VPS13C: variants seen among roughly 807,000 people sequenced by gnomAD.
VPS13C encodes the protein vacuolar protein sorting 13 homolog C.
VPS13C carries 358 observed loss-of-function variants against 456.8 expected under a neutral mutation model. The ratio of observed to expected loss-of-function variants is 0.78; its 90% confidence interval spans 0.72 to 0.86. VPS13C has a LOEUF of 0.86. Ranked by LOEUF, VPS13C falls within the 40% of genes least tolerant of loss-of-function variation. The probability of loss-of-function intolerance (pLI) is 0.00; values close to 1 mark genes in which losing one functional copy is unlikely to be tolerated. For missense variants in VPS13C, 4,818 were observed against 4,385.4 expected, an observed-to-expected ratio of 1.10 and a Z score of -2.79; for synonymous variants, 1,578 against 1,486.7, an observed-to-expected ratio of 1.06 and a Z score of -1.41.
chr15:62,044,407 G>C (rs2048340664), intron 1 of VPS13C, 152 bp from the exon 2 acceptor site: 1 of 488,908 alleles, frequency 2.0e-6, no homozygotes, highest in Non-Finnish European at 3.7e-6. Flanking sequence ...GCACAAAATA[G>C]TTGCTACATA....
In VPS13C at chr15:61,873,265, C is replaced by A; in HGVS notation, c.10559G>T (p.Gly3520Val). 2 of 1,613,604 alleles carry A rather than the reference C, an allele frequency of 1.2e-6. No individual in the cohort carries two copies. Among genetic ancestry groups the A allele is most frequent in the Non-Finnish European group, 1.7e-6 (2 of 1,179,688 alleles). The change falls in exon 78 of 85, where the codon GGA becomes GTA. Residue 3520 changes from glycine (G) to valine (V), a missense_variant. By Grantham distance (109) the Gly-to-Val change is moderately radical. Around this residue, in one of 3 missense-constraint regions of VPS13C, gnomAD observed 4,552 missense variants for 4,130.6 expected, o/e 1.10. Transcript: ENST00000644861. Reference protein sequence around the residue: ...PRDFGDSLARGGKGFLRGVVG... With the variant: ...PRDFGDSLARVGKGFLRGVVG... ...ACTTACTCGCAGAAAGCCCTTTCCT[C>A]CTCTGGCCAGGCTGTCTCCAAAATC...
Position 61,981,466 on chromosome 15 carries a change from A to G in VPS13C, c.2042T>C (p.Ile681Thr). The change falls in exon 22 of 85, where the codon ATT (isoleucine) becomes ACT (threonine). Residue 681 changes from isoleucine to threonine, a missense_variant. Around this residue, in one of 3 missense-constraint regions of VPS13C, gnomAD observed 4,552 missense variants for 4,130.6 expected, o/e 1.10. Coordinates refer to ENST00000644861, the MANE Select transcript of VPS13C (RefSeq NM_020821.3). ...ATCAAGGACTTTTCGAGTTTCAATA[A>G]TATGTGTAAGTCCTAAAGACGTAAG... ...KERTATGLTH[I>T]IETRKVLDLR... is the part of the protein sequence containing the mutation. 6.2e-7 allele frequency: 1 copy of G among 1,608,418 alleles called. No individual in the cohort carries two copies. The highest frequency in any genetic ancestry group is 8.5e-7 in the Non-Finnish European group (1 of 1,178,080).
intron 22 of VPS13C, among the ~76,000 whole-genome samples, chr15:61,980,946 T>C (rs1400726231): frequency 6.6e-6 from 1 of 152,238 alleles, no homozygotes; most frequent in Non-Finnish European, 1.5e-5. Context: ...AATCCAAAAG[T>C]TGTCTTGCTC....
intron 61 of VPS13C, 57 bp downstream of exon 61, chr15:61,915,576 C>G: frequency 6.7e-7 from 1 of 1,492,340 alleles, no homozygotes; most frequent in Non-Finnish European, 8.9e-7. Context: ...AAATGACTCC[C>G]AAGTTTCTAG....
intron 1 of VPS13C, among the ~76,000 whole-genome samples, chr15:62,057,329 T>C (rs1297535461): frequency 6.6e-6 from 1 of 152,212 alleles, no homozygotes; most frequent in African/African-American, 2.4e-5. Flanking sequence ...TATCATAAAA[T>C]GTCACCTATT....
rs748713394 is a variant in VPS13C at position 61,962,465 on chromosome 15, A to T, written c.3509T>A (p.Leu1170Ter). 1.9e-6 allele frequency: 3 copies of T among 1,612,224 alleles called. No homozygotes were observed. Among genetic ancestry groups the T allele is most frequent in the Non-Finnish European group, 1.7e-6 (2 of 1,178,856 alleles). Residue 1170 changes from leucine (L) to a stop codon, truncating the protein, a stop_gained, in exon 34 of 85, where the codon TTG becomes TAG. Coordinates refer to ENST00000644861, the MANE Select transcript of VPS13C (RefSeq NM_020821.3). LOFTEE classifies it high-confidence loss of function. The stretch of plus-strand genomic sequence containing the variant: ...ATCCACTTTGGACATGTCAGTATAC[A>T]AATCCCCCTCAGTAGCATCTGGATA... ...DLYPDATEGDLYTDMSKVDGV... is the reference protein window; with the variant it reads ...DLYPDATEGD
At chr15:61,982,034 T>G (rs1372660669) in intron 21 of VPS13C, among the ~76,000 whole-genome samples, 1 of 152,194 alleles carries the variant, frequency 6.6e-6, no homozygotes, top group African/African-American at 2.4e-5. Context: ...AGCTAGTACT[T>G]TATGTAGGGA....
chr15:62,010,654 A>G lies in VPS13C; in HGVS notation c.884-55T>C. ...GTTCATATGCTTTTACATATAAACA[A>G]GTGTAAATAATTATGAGAACACTGT... On this transcript the variant is annotated intron_variant, in intron 12 of 84. Transcript: ENST00000644861. 3 of 1,463,914 alleles carry G rather than the reference A, an allele frequency of 2.0e-6. No homozygotes were observed. The Admixed American group carries it at 7.0e-5, about 34-fold the overall frequency. 90.7% of individuals were successfully genotyped at this position (1,463,914 alleles called of 1,614,324 possible).
At position 61,869,561 on chromosome 15, in the gene VPS13C, C is replaced by A. The variant is rs1368886259; in HGVS notation, c.10687G>T (p.Val3563Leu). 8.7e-6 allele frequency: 14 copies of A among 1,614,142 alleles called. No individual in the cohort carries two copies. Among genetic ancestry groups the A allele is most frequent in the Non-Finnish European group, 1.2e-5 (14 of 1,180,008 alleles). The change falls in exon 80 of 85, where the codon GTG becomes TTG. Residue 3563 changes from valine (V) to leucine (L), a missense_variant. Transcript: ENST00000644861. ...KGIGKGLVGA[V>L]ARPTGGIVDM... Reference sequence around the variant, plus strand: ...ACGATTCCACCAGTTGGACGGGCCACAGCACCCACAAGCCCTTTTCCAATT... The same window carrying A: ...ACGATTCCACCAGTTGGACGGGCCAAAGCACCCACAAGCCCTTTTCCAATT...
chr15:61,949,960 G>A (rs1439950325), intron 41 of VPS13C, among the ~76,000 whole-genome samples: 3 of 152,142 alleles, frequency 2.0e-5, no homozygotes. Flanking sequence ...ATGCTTGTAT[G>A]TAATGTCTGT....
At chr15:61,986,597 T>C (rs1475515619) in intron 18 of VPS13C, among the ~76,000 whole-genome samples, 1 of 152,168 alleles carries the variant, frequency 6.6e-6, no homozygotes, top group African/African-American at 2.4e-5. Flanking sequence ...TGAGGATTTT[T>C]TTCCCAAATT....
At chr15:61,991,166 C>A in intron 17 of VPS13C, 72 bp from the exon 18 acceptor site, 2 of 1,155,832 alleles carry the variant, frequency 1.7e-6, no homozygotes, top group Non-Finnish European at 2.5e-6. Context: ...ACTAACCAAA[C>A]TAACAAGTAT....
chr15:62,056,867 G>A (rs1207187118), intron 1 of VPS13C, among the ~76,000 whole-genome samples: 3 of 152,200 alleles, frequency 2.0e-5, no homozygotes, highest in African/African-American at 7.2e-5. Flanking sequence ...TCGGCTGCCA[G>A]GCAGGGAAGG....
At position 61,914,548 on chromosome 15, in the gene VPS13C, A is replaced by G. The variant is rs561275383; in HGVS notation, c.8445+1085T>C. 3.3e-3 allele frequency among the ~76,000 whole-genome samples: 493 copies of G among 151,420 alleles called. 6 individuals are homozygous for G. The highest frequency in any genetic ancestry group is 1.7e-3 in the Non-Finnish European group (113 of 67,758). On this transcript the variant is annotated intron_variant, in intron 61 of 84. Transcript: ENST00000644861. ...CACACCACTGCACTCCAGCCTGGGC[A>G]ACAAGAACAAAACTATGTTTCTTTT...
chr15:61,879,127 G>A (rs1293436563), intron 73 of VPS13C, among the ~76,000 whole-genome samples: 1 of 152,024 alleles, frequency 6.6e-6, no homozygotes, highest in Non-Finnish European at 1.5e-5. Flanking sequence ...TGACAATTAA[G>A]GTAAGTTAGC....
chr15:61,996,114 G>C (rs2046377955), intron 16 of VPS13C, among the ~76,000 whole-genome samples: 1 of 152,162 alleles, frequency 6.6e-6, no homozygotes, highest in African/African-American at 2.4e-5. Context: ...TCTTAATTCT[G>C]TATATGAACC....
rs1190213032 is a variant in VPS13C at position 61,946,335 on chromosome 15, T to C, written c.4952A>G (p.Asn1651Ser). ...TTTGTGAATGGACTGCAAATCTACA[T>C]TCATAACTATAATATCTTTAAGTCT... ...FARLKDIIVMNVDLQSIHKKA... is the reference protein window; with the variant it reads ...FARLKDIIVMSVDLQSIHKKA... Residue 1651 changes from asparagine to serine, a missense_variant, in exon 44 of 85, where the codon AAT (asparagine) becomes AGT (serine). By Grantham distance (46) the Asn-to-Ser change is conservative. Coordinates refer to ENST00000644861, the MANE Select transcript of VPS13C (RefSeq NM_020821.3). 2.5e-6 allele frequency: 4 copies of C among 1,603,934 alleles called. No homozygotes were observed. In the African/African-American group the frequency reaches 4.0e-5, roughly 16 times the overall value.
intron 42 of VPS13C, 63 bp from the exon 43 acceptor site, chr15:61,947,372 C>A: frequency 8.2e-7 from 1 of 1,220,008 alleles, no homozygotes; most frequent in Non-Finnish European, 1.2e-6. Context: ...CATACAATAA[C>A]CTCAAATCCA....
At chr15:61,866,122 C>T in intron 81 of VPS13C, 3 of 984,922 alleles carry the variant, frequency 3.0e-6, no homozygotes, top group African/African-American at 1.7e-5. Context: ...ACCCAACTAA[C>T]TGATCACAGC....
Sources: gnomAD v4.1 joint callset for allele counts (sites outside exome capture counted in the v4.1 genomes callset) on GRCh38, gnomAD v4.1.1 for gene constraint, gnomAD v4.1.1 regional missense constraint, MANE v1.5 for transcripts, NCBI Gene and HGNC (gene_info 2026-07-23, HGNC 2026-07-21) for gene names.